The following RELN variants were observed in gnomAD, a reference collection of about 807,000 sequenced individuals.
The protein encoded by RELN is reelin.
Under a neutral mutation model 427.6 loss-of-function variants are expected in RELN, and 108 were observed. That is an observed-to-expected ratio of 0.25 (90% CI 0.22 to 0.30). RELN has a LOEUF of 0.30. RELN is among the 10% of genes least tolerant of loss of function. RELN has a pLI of 1.00. For missense variants in RELN, 3,715 were observed against 4,302.8 expected, an observed-to-expected ratio of 0.86 and a Z score of 3.82; for synonymous variants, 1,524 against 1,513.4, an observed-to-expected ratio of 1.01 and a Z score of -0.16.
intron 11 of RELN, among the ~76,000 whole-genome samples, chr7:103,678,241 T>C (rs1174075393): frequency 6.6e-6 from 1 of 152,184 alleles, no homozygotes; most frequent in Non-Finnish European, 1.5e-5. Context: ...TTCCATATTA[T>C]AGCAATGTTC....
chr7:103,682,251 T>G lies in RELN; in HGVS notation c.1154A>C (p.Gln385Pro). Residue 385 changes from glutamine (Q) to proline (P), a missense_variant, in exon 11 of 65, where the codon CAG becomes CCG. This residue lies in a region of RELN where 2,208 missense variants were observed against 2,361.7 expected (regional missense o/e 0.93). Coordinates refer to ENST00000428762, the MANE Select transcript of RELN (RefSeq NM_005045.4). ...GAAATAAATGGAGTTCCCATCTGACTGACAGCTATGCTGTAGGTGAAAAGA... is the reference window on the plus strand; with the variant it reads ...GAAATAAATGGAGTTCCCATCTGACGGACAGCTATGCTGTAGGTGAAAAGA... ...FPGATVKHSCQSDGNSIYFHG... is the reference protein window; with the variant it reads ...FPGATVKHSCPSDGNSIYFHG... 6.2e-7 allele frequency: 1 copy of G among 1,614,052 alleles called. No individual in the cohort carries two copies. Among genetic ancestry groups the G allele is most frequent in the Non-Finnish European group, 8.5e-7 (1 of 1,179,926 alleles).
intron 6 of RELN, among the ~76,000 whole-genome samples, chr7:103,734,592 T>C (rs478549): frequency 0.52 from 78,610 of 151,924 alleles, 20,498 homozygotes; most frequent in African/African-American, 0.55. Context: ...ATGCTTAGGT[T>C]CCACATGAAG....
intron 11 of RELN, among the ~76,000 whole-genome samples, chr7:103,669,506 G>C (rs960234354): frequency 2.6e-5 from 4 of 152,038 alleles, no homozygotes; most frequent in Non-Finnish European, 4.4e-5. Flanking sequence ...TTTACTCCCC[G>C]GACTTCAAAG....
intron 3 of RELN, among the ~76,000 whole-genome samples, chr7:103,804,549 G>C (rs1792549731): frequency 6.6e-6 from 1 of 152,120 alleles, no homozygotes; most frequent in Admixed American, 6.6e-5. Context: ...TTCCAGGTTA[G>C]AATATGTTTA....
rs545086731 is a variant in RELN at position 103,492,106 on chromosome 7, T to C, written c.9370-80A>G. 4.3e-4 allele frequency: 469 copies of C among 1,091,850 alleles called. 7 individuals carry two copies. In the South Asian group the frequency reaches 5.8e-3, roughly 13 times the overall value. The allele number at this position is 1,091,850 out of a possible 1,614,324, so 67.6% of individuals were successfully genotyped here. ...CATTAATTAAAATCCCATCCGTCCA[T>C]TTATTACTCTGATAGGTAATATTCA... On this transcript the variant is annotated intron_variant, in intron 57 of 64. Coordinates refer to ENST00000428762, the MANE Select transcript of RELN (RefSeq NM_005045.4).
intron 17 of RELN, among the ~76,000 whole-genome samples, chr7:103,636,801 C>T (rs900363202): frequency 9.9e-5 from 15 of 152,134 alleles, no homozygotes; most frequent in African/African-American, 2.4e-4. Flanking sequence ...TCATAACACT[C>T]ATTAAATTTA....
chr7:103,832,635 T>A (rs1230513662), intron 3 of RELN, among the ~76,000 whole-genome samples: 1 of 152,046 alleles, frequency 6.6e-6, no homozygotes, highest in Non-Finnish European at 1.5e-5. Flanking sequence ...GGGTTAGGGG[T>A]ATAGTCCACA....
At chr7:103,969,182 G>C (rs1796714751) in intron 1 of RELN, among the ~76,000 whole-genome samples, 1 of 152,002 alleles carries the variant, frequency 6.6e-6, no homozygotes, top group East Asian at 1.9e-4. Flanking sequence ...AATAAACTGG[G>C]GTTTTTAACT....
rs545808640 is a variant in RELN at position 103,631,286 on chromosome 7, C to CTTTTTTTTTTTTTT, written c.2466-1124_2466-1111dup. ...CAGAAATAAAACTTTAAAAACACTT[C>CTTTTTTTTTTTTTT]TTTTTTTTTTTTTTTTTTTTTTTTT... On this transcript the variant is annotated intron_variant, in intron 19 of 64. Transcript: ENST00000428762. Among the ~76,000 whole-genome samples, 39 of 77,812 alleles carry CTTTTTTTTTTTTTT rather than the reference C, an allele frequency of 5.0e-4. 3 individuals are homozygous for CTTTTTTTTTTTTTT. The highest frequency in any genetic ancestry group is 1.7e-3 in the African/African-American group (35 of 20,030). 51.0% of individuals were successfully genotyped at this position (77,812 alleles called of 152,430 possible).
chr7:103,541,117 G>A (rs1830169465), intron 43 of RELN, among the ~76,000 whole-genome samples: 1 of 152,198 alleles, frequency 6.6e-6, no homozygotes, highest in African/African-American at 2.4e-5. Flanking sequence ...GGCTCTGACT[G>A]TTGCTGGGTC....
At chr7:103,919,929 G>A (rs575937871) in intron 1 of RELN, among the ~76,000 whole-genome samples, 20 of 152,292 alleles carry the variant, frequency 1.3e-4, no homozygotes, top group African/African-American at 4.3e-4. Flanking sequence ...ATATGAACTA[G>A]AAGGAAACTT....
intron 33 of RELN, 48 bp from the exon 34 acceptor site, chr7:103,565,599 T>G: frequency 1.3e-6 from 2 of 1,580,038 alleles, no homozygotes; most frequent in Non-Finnish European, 1.7e-6. Flanking sequence ...TGCCATTTTC[T>G]TATTTGGTGT....
chr7:103,989,435 G>T lies in RELN; in HGVS notation c.-79C>A. ...GTTTTGGAGACGCCGGGACGGAGGA[G>T]CCACGCGGAGAGAAGGCGAGAAGAA... On this transcript the variant is annotated 5_prime_UTR_variant, in exon 1 of 65. Coordinates refer to ENST00000428762, the MANE Select transcript of RELN (RefSeq NM_005045.4). This position sits in a 1 kb window ranked among gnomAD's most constrained non-coding sequence, Gnocchi z 4.9. 1 of 1,229,084 alleles carries T rather than the reference G, an allele frequency of 8.1e-7. No individual in the cohort carries two copies. The highest frequency in any genetic ancestry group is 1.1e-6 in the Non-Finnish European group (1 of 948,796). 76.1% of individuals were successfully genotyped at this position (1,229,084 alleles called of 1,614,324 possible).
intron 2 of RELN, among the ~76,000 whole-genome samples, chr7:103,870,267 T>C (rs1337859214): frequency 6.6e-6 from 1 of 152,132 alleles, no homozygotes; most frequent in African/African-American, 2.4e-5. Context: ...AATGCTTTTT[T>C]CTTGATGATG....
At chr7:103,614,919 G>GT (rs111731320) in intron 20 of RELN, among the ~76,000 whole-genome samples, 336 of 151,904 alleles carry the variant, frequency 2.2e-3, no homozygotes, top group African/African-American at 7.7e-3. Context: ...TACTGGGTCT[G>GT]TTTTTTTTCA....
chr7:103,839,606 G>A (rs1172291622), intron 2 of RELN, among the ~76,000 whole-genome samples: 6 of 152,094 alleles, frequency 3.9e-5, no homozygotes, highest in Non-Finnish European at 8.8e-5. Context: ...AGCTAGAAAA[G>A]AAGTAAGTGC....
At position 103,826,934 on chromosome 7, in the gene RELN, T is replaced by G. The variant is rs147053523; in HGVS notation, c.473+6603A>C. 5.8e-3 allele frequency among the ~76,000 whole-genome samples: 878 copies of G among 151,478 alleles called. 7 individuals carry two copies. Among genetic ancestry groups the G allele is most frequent in the African/African-American group, 0.02 (843 of 41,336 alleles). On this transcript the variant is annotated intron_variant, in intron 3 of 64. Coordinates refer to ENST00000428762, the MANE Select transcript of RELN (RefSeq NM_005045.4). ...AAGTTCAGTCCATTTACTTGAGTGA[T>G]CTCCATAAGTTCTCACACCATTACA... is the stretch of plus-strand genomic sequence containing the variant.
chr7:103,666,309 C>A (rs777745249), intron 11 of RELN, among the ~76,000 whole-genome samples: 5 of 152,158 alleles, frequency 3.3e-5, no homozygotes, highest in Non-Finnish European at 5.9e-5. Context: ...TGGGCTCAAG[C>A]AATCTACCGA....
At chr7:103,735,345 G>T (rs148707138) in intron 6 of RELN, among the ~76,000 whole-genome samples, 9 of 152,142 alleles carry the variant, frequency 5.9e-5, no homozygotes, top group African/African-American at 2.2e-4. Context: ...TACTTCTGAA[G>T]ATATAACTGG....
Sources: gnomAD v4.1 joint callset for allele counts (sites outside exome capture counted in the v4.1 genomes callset) on GRCh38, gnomAD v4.1.1 for gene constraint, gnomAD v4.1.1 regional missense constraint, Gnocchi (gnomAD v3.1) non-coding constraint, MANE v1.5 for transcripts, NCBI Gene and HGNC (gene_info 2026-07-23, HGNC 2026-07-21) for gene names.